Variants in NPL observed in about 807,000 individuals in gnomAD.
NPL encodes the protein N-acetylneuraminate pyruvate lyase.
A neutral mutation model predicts 41.1 loss-of-function variants in NPL; 32 were observed. The observed-to-expected ratio is 0.78, with a 90% CI of 0.59 to 1.05. The LOEUF is 1.05. Among genes scored for constraint, NPL ranks in the 50% least tolerant of loss-of-function variants. NPL has a pLI of 0.00. For missense variants in NPL, 321 were observed against 378.4 expected, an observed-to-expected ratio of 0.85 and a Z score of 1.26; for synonymous variants, 128 against 134.9, an observed-to-expected ratio of 0.95 and a Z score of 0.35.
intron 8 of NPL, among the ~76,000 whole-genome samples, chr1:182,817,755 A>T (rs1203809915): frequency 2.0e-5 from 3 of 149,072 alleles, no homozygotes; most frequent in Non-Finnish European, 4.4e-5. Flanking sequence ...AAGGAAACAG[A>T]TAAACAACCA....
chr1:182,817,375 T>G (rs1408455479), intron 8 of NPL, among the ~76,000 whole-genome samples: 5 of 152,238 alleles, frequency 3.3e-5, no homozygotes, highest in Non-Finnish European at 7.3e-5. Flanking sequence ...ACAAAACTGC[T>G]TTTCCTATTC....
At chr1:182,807,820 GGT>G (rs1323399706) in intron 5 of NPL, among the ~76,000 whole-genome samples, 1 of 150,910 alleles carries the variant, frequency 6.6e-6, no homozygotes, top group Non-Finnish European at 1.5e-5. Context: ...GAACCTGGGA[GGT>G]GGAGCTTGCA....
chr1:182,820,746 A>G (rs548441237), intron 10 of NPL, among the ~76,000 whole-genome samples: 89 of 152,286 alleles, frequency 5.8e-4, no homozygotes, highest in South Asian at 5.2e-3. Flanking sequence ...TCGCGACAAC[A>G]GCACAAAGGA....
intron 5 of NPL, chr1:182,806,501 C>G: frequency 6.5e-7 from 1 of 1,536,214 alleles, no homozygotes; most frequent in Non-Finnish European, 8.7e-7. Flanking sequence ...AAGGCCAGTC[C>G]CCTCACAGTT....
At chr1:182,823,150 T>C (rs1156621235) in intron 11 of NPL, among the ~76,000 whole-genome samples, 1 of 152,140 alleles carries the variant, frequency 6.6e-6, no homozygotes, top group Non-Finnish European at 1.5e-5. Flanking sequence ...TTCAGGATAG[T>C]ATAAGTGGTT....
intron 3 of NPL, among the ~76,000 whole-genome samples, chr1:182,803,058 C>T (rs1450356021): frequency 6.6e-6 from 1 of 152,140 alleles, no homozygotes. Context: ...CATGTTTGTC[C>T]CAAATATTAA....
chr1:182,818,071 T>C (rs796606801), intron 8 of NPL, among the ~76,000 whole-genome samples: 43 of 152,318 alleles, frequency 2.8e-4, no homozygotes, highest in African/African-American at 1.0e-3. Context: ...ATCTAGGTGA[T>C]CTAGCCATCA....
Position 182,806,403 on chromosome 1 carries a change from C to G in NPL, c.230+171C>G, listed in dbSNP as rs751982028. ...TCCTGGCTTCTTGGAGAAGAGCCCC[C>G]TCCCTTTCTGTGCAGAAGGGCAGCC... is the stretch of plus-strand genomic sequence containing the variant. On this transcript the variant is annotated intron_variant, in intron 5 of 12. Coordinates refer to ENST00000367553, the MANE Select transcript of NPL (RefSeq NM_030769.3). 1.9e-6 allele frequency: 3 copies of G among 1,541,512 alleles called. No homozygotes were observed. In the South Asian group the frequency reaches 3.6e-5, roughly 18 times the overall value.
At chr1:182,809,557 A>G (rs1557946562) in intron 5 of NPL, among the ~76,000 whole-genome samples, 1 of 150,814 alleles carries the variant, frequency 6.6e-6, no homozygotes, top group East Asian at 1.9e-4. Context: ...AAAAAAAAAA[A>G]GTTGAGAAGC....
At chr1:182,792,768 A>G (rs917958707) in intron 2 of NPL, among the ~76,000 whole-genome samples, 1 of 152,258 alleles carries the variant, frequency 6.6e-6, no homozygotes, top group African/African-American at 2.4e-5. Flanking sequence ...CAAGGAAAGT[A>G]TCGTGTTGTC....
chr1:182,820,458 A>G lies in NPL; in HGVS notation c.653+1599A>G, dbSNP rs143148440. ...CCATTGTAACTTCAGGGGTATTTCT[A>G]CTGAGGAAATTTGAATGTGTATTTG... On this transcript the variant is annotated intron_variant, in intron 10 of 12. Transcript: ENST00000367553. Among the ~76,000 whole-genome samples, 525 of 152,338 alleles carry G rather than the reference A, an allele frequency of 3.4e-3. 3 individuals carry two copies. Among genetic ancestry groups the G allele is most frequent in the Middle Eastern group, 0.02 (6 of 294 alleles).
rs75002258 is a variant in NPL at position 182,793,248 on chromosome 1, C to T, written c.-17+962C>T. ...CAAATGTCAGAGCTGTGAGTTGAAC[C>T]AGGTGGTCTGCCTATGGAACTGAGG... On this transcript the variant is annotated intron_variant, in intron 2 of 12. Coordinates refer to ENST00000367553, the MANE Select transcript of NPL (RefSeq NM_030769.3). 2.9e-3 allele frequency among the ~76,000 whole-genome samples: 446 copies of T among 152,214 alleles called. 5 individuals are homozygous for T. Among genetic ancestry groups the T allele is most frequent in the African/African-American group, 0.01 (429 of 41,506 alleles).
At chr1:182,816,635 T>G in intron 7 of NPL, 79 bp from the exon 8 acceptor site, 1 of 985,150 alleles carries the variant, frequency 1.0e-6, no homozygotes, top group Non-Finnish European at 1.6e-6. Flanking sequence ...TTGTGTTTCA[T>G]CAGATGATTC....
chr1:182,804,437 T>C (rs146722843), intron 4 of NPL, among the ~76,000 whole-genome samples: 1 of 152,298 alleles, frequency 6.6e-6, no homozygotes, highest in African/African-American at 2.4e-5. Context: ...CTCTTCTCTC[T>C]CTTAAGAATG....
At chr1:182,815,673 A>G (rs1667306664) in intron 7 of NPL, among the ~76,000 whole-genome samples, 1 of 152,198 alleles carries the variant, frequency 6.6e-6, no homozygotes, top group African/African-American at 2.4e-5. Flanking sequence ...GCATGATCAT[A>G]GCTCACTGCA....
rs190230105 is a variant in NPL, at chr1:182,815,568, C to T, written c.364+710C>T. 2.4e-4 allele frequency among the ~76,000 whole-genome samples: 37 copies of T among 152,060 alleles called. 2 individuals are homozygous for T. Among genetic ancestry groups the T allele is most frequent in the African/African-American group, 7.0e-4 (29 of 41,448 alleles). On this transcript the variant is annotated intron_variant, in intron 7 of 12. Coordinates refer to ENST00000367553, the MANE Select transcript of NPL (RefSeq NM_030769.3). Reference sequence around the variant, plus strand: ...TAAGCAATTTAATATTTATAAATTGCGAGTTTAAAATGAACATTTTTAAAG... The same window carrying T: ...TAAGCAATTTAATATTTATAAATTGTGAGTTTAAAATGAACATTTTTAAAG...
intron 5 of NPL, among the ~76,000 whole-genome samples, chr1:182,811,400 TG>T (rs1667172111): frequency 1.3e-5 from 2 of 152,110 alleles, no homozygotes; most frequent in East Asian, 3.9e-4. Context: ...GCTAATTTTT[TG>T]TATTTTGGGT....
chr1:182,821,942 T>G (rs1421510707), intron 10 of NPL, among the ~76,000 whole-genome samples, 173 bp from the exon 11 acceptor site: 1 of 152,224 alleles, frequency 6.6e-6, no homozygotes, highest in African/African-American at 2.4e-5. Context: ...TGCTCAGTAT[T>G]GCTGGAAAAC....
rs75896607 is a variant in NPL at position 182,829,743 on chromosome 1, T to G, written c.*835T>G. ...TCGAAGGCTGACTTCCTTTCTGCAG[T>G]GAGCCCAGGGGCTAATGTTATTATC... On this transcript the variant is annotated 3_prime_UTR_variant, in exon 13 of 13. Transcript: ENST00000367553. 2.8e-4 allele frequency: 280 copies of G among 998,080 alleles called. No individual in the cohort carries two copies. In the East Asian group the frequency reaches 7.3e-3, roughly 26 times the overall value. 61.8% of individuals were successfully genotyped at this position (998,080 alleles called of 1,614,324 possible).
Sources: gnomAD v4.1 joint callset for allele counts (sites outside exome capture counted in the v4.1 genomes callset) on GRCh38, gnomAD v4.1.1 for gene constraint, MANE v1.5 for transcripts, NCBI Gene and HGNC (gene_info 2026-07-23, HGNC 2026-07-21) for gene names.